The following COL9A1 variants were observed in gnomAD, a reference collection of about 807,000 sequenced individuals.
The protein encoded by COL9A1 is collagen alpha-1(IX) chain.
In COL9A1, 104 loss-of-function variants were observed where a neutral mutation model predicts 142.6. The observed-to-expected ratio is 0.73, with a 90% CI of 0.62 to 0.86. The LOEUF (loss-of-function observed/expected upper bound fraction) is 0.86. COL9A1 is among the 40% of genes least tolerant of loss of function. The pLI is 0.00. For missense variants in COL9A1, 1,210 were observed against 1,176.6 expected (o/e 1.03, Z -0.42); for synonymous variants, 466 against 396.0 (o/e 1.18, Z -2.10).
intron 5 of COL9A1, among the ~76,000 whole-genome samples, chr6:70,288,119 A>T (rs73475871): frequency 0.019 from 2,940 of 152,166 alleles, 78 homozygotes; most frequent in African/African-American, 0.067. Flanking sequence ...CTAACTCCAA[A>T]ACCCAAACTA....
intron 33 of COL9A1, among the ~76,000 whole-genome samples, chr6:70,238,074 C>T (rs919571120): frequency 6.6e-6 from 1 of 152,130 alleles, no homozygotes. Flanking sequence ...TTGTTTACCT[C>T]GCTAAGAATC....
chr6:70,221,511 G>C (rs887153606), intron 37 of COL9A1, among the ~76,000 whole-genome samples: 4 of 152,168 alleles, frequency 2.6e-5, no homozygotes, highest in Admixed American at 6.5e-5. Context: ...GAATGTGTGC[G>C]TGTGTATTTT....
intron 5 of COL9A1, among the ~76,000 whole-genome samples, chr6:70,285,661 T>C (rs1773423570): frequency 1.3e-5 from 2 of 152,168 alleles, no homozygotes; most frequent in African/African-American, 4.8e-5. Context: ...GATATTCCCC[T>C]CTCCACACTG....
chr6:70,263,102 AGTGCTGGCGTG>A (rs1771796193), intron 19 of COL9A1, 131 bp downstream of exon 19: 1 of 582,874 alleles, frequency 1.7e-6, no homozygotes, highest in African/African-American at 1.9e-5. Context: ...GTTATCCCCC[AGTGCTGGCGTG>A]GTGGAAAATA....
At chr6:70,253,496 A>G in intron 25 of COL9A1, 67 bp from the exon 26 acceptor site, 1 of 1,079,542 alleles carries the variant, frequency 9.3e-7, no homozygotes, top group South Asian at 1.3e-5. Context: ...TGCCAAGCCC[A>G]CTGCACACTG....
intron 36 of COL9A1, among the ~76,000 whole-genome samples, chr6:70,230,379 G>C: frequency 6.6e-6 from 1 of 151,986 alleles, no homozygotes; most frequent in East Asian, 1.9e-4. Context: ...AGAAGATACA[G>C]CTTTAAAGGA....
intron 37 of COL9A1, among the ~76,000 whole-genome samples, chr6:70,224,041 A>G (rs1769068088): frequency 6.6e-6 from 1 of 152,176 alleles, no homozygotes; most frequent in African/African-American, 2.4e-5. Context: ...AGAAAGGAAA[A>G]GGAAAACAGA....
chr6:70,226,788 A>G (rs888369228), intron 36 of COL9A1, among the ~76,000 whole-genome samples: 2 of 152,128 alleles, frequency 1.3e-5, no homozygotes, highest in African/African-American at 4.8e-5. Context: ...CCCAAGCTGA[A>G]TTTTCATCAT....
intron 8 of COL9A1, 111 bp downstream of exon 8, chr6:70,281,279 G>A: frequency 1.9e-6 from 2 of 1,049,744 alleles, no homozygotes; most frequent in South Asian, 3.0e-5. Context: ...GTGGCAGGAA[G>A]GGGAGACCCT....
Position 70,252,296 on chromosome 6 carries a change from C to T in COL9A1, c.1784G>A (p.Gly595Glu). The T allele has an allele frequency of 6.2e-7, 1 of 1,614,128 alleles. No individual in the cohort carries two copies. The highest frequency in any genetic ancestry group is 8.5e-7 in the Non-Finnish European group (1 of 1,179,998). ...AGEKGSTGAP[G>E]KPGQMGNSGK... is the part of the protein sequence containing the mutation. ...TGAATTTCCCATCTGACCAGGCTTCCCTGGAGCACCTGTGCTACCCTAAGG... is the reference window on the plus strand; with the variant it reads ...TGAATTTCCCATCTGACCAGGCTTCTCTGGAGCACCTGTGCTACCCTAAGG... The change falls in exon 27 of 38, where the codon GGG becomes GAG. Residue 595 changes from glycine (G) to glutamate (E), a missense_variant. Coordinates refer to ENST00000357250, the MANE Select transcript of COL9A1 (RefSeq NM_001851.6).
intron 36 of COL9A1, among the ~76,000 whole-genome samples, chr6:70,226,270 A>G (rs1352835291): frequency 6.6e-6 from 1 of 152,210 alleles, no homozygotes; most frequent in South Asian, 2.1e-4. Flanking sequence ...AAAACATTCA[A>G]TAAAATAAGA....
intron 36 of COL9A1, 42 bp from the exon 37 acceptor site, chr6:70,226,051 A>G (rs1382914344): frequency 2.0e-6 from 3 of 1,514,136 alleles, no homozygotes. Flanking sequence ...ACATATCTAT[A>G]AAAATAAACT....
At chr6:70,271,619 C>G (rs1396631568) in intron 14 of COL9A1, 36 bp downstream of exon 14, 1 of 1,599,736 alleles carries the variant, frequency 6.3e-7, no homozygotes, top group African/African-American at 1.3e-5. Context: ...TCTATTAAAT[C>G]AGCAAACGTC....
At chr6:70,241,932 TAAAG>T (rs1249555784) in intron 30 of COL9A1, 28 bp downstream of exon 30, 3 of 1,552,068 alleles carry the variant, frequency 1.9e-6, no homozygotes, top group Non-Finnish European at 8.8e-7. Flanking sequence ...CCCTTCCAAA[TAAAG>T]AACCTTCTGG....
intron 21 of COL9A1, 109 bp from the exon 22 acceptor site, chr6:70,255,499 A>G (rs1349726338): frequency 5.3e-6 from 5 of 950,788 alleles, no homozygotes; most frequent in South Asian, 1.3e-5. Flanking sequence ...TTCCACCACA[A>G]TGGCTTTGCT....
chr6:70,303,003 C>T lies in COL9A1; in HGVS notation c.-79G>A. 1 of 1,431,824 alleles carries T rather than the reference C, an allele frequency of 7.0e-7. No individual in the cohort carries two copies. Among genetic ancestry groups the T allele is most frequent in the Non-Finnish European group, 9.9e-7 (1 of 1,014,258 alleles). 88.7% of individuals were successfully genotyped at this position (1,431,824 alleles called of 1,614,324 possible). A position where few individuals can be genotyped will look rare whatever the true frequency, so the allele number is the denominator to read the frequency against. On this transcript the variant is annotated 5_prime_UTR_variant, in exon 1 of 38. Coordinates refer to ENST00000357250, the MANE Select transcript of COL9A1 (RefSeq NM_001851.6). ...AAGGGAGTCACTGTCCCCTCACGAC[C>T]CCTTCACTGTTACCCTAGGACTATG... is the stretch of plus-strand genomic sequence containing the variant.
chr6:70,298,101 C>T (rs1406158154), intron 4 of COL9A1, among the ~76,000 whole-genome samples: 1 of 152,184 alleles, frequency 6.6e-6, no homozygotes, highest in Non-Finnish European at 1.5e-5. Flanking sequence ...TCCTTGTCAA[C>T]CAGCTTTTGA....
intron 33 of COL9A1, 74 bp downstream of exon 33, chr6:70,239,180 G>T: frequency 2.1e-6 from 2 of 971,822 alleles, no homozygotes; most frequent in Non-Finnish European, 3.2e-6. Context: ...ATTTCATAAA[G>T]CAGAATATTA....
At position 70,254,922 on chromosome 6, in the gene COL9A1, A is replaced by G. The variant is rs200069128; in HGVS notation, c.1665+41T>C. The G allele has an allele frequency of 8.2e-6, 13 of 1,578,058 alleles. No individual in the cohort carries two copies. In the East Asian group the frequency reaches 2.7e-4, roughly 33 times the overall value. Reference sequence around the variant, plus strand: ...TGCCACACTCAGTTGGCCAGGGCAGAGACAGCCCCACTCACTCTTGGAGTA... The same window carrying G: ...TGCCACACTCAGTTGGCCAGGGCAGGGACAGCCCCACTCACTCTTGGAGTA... On this transcript the variant is annotated intron_variant, in intron 24 of 37. Coordinates refer to ENST00000357250, the MANE Select transcript of COL9A1 (RefSeq NM_001851.6).
Sources: allele counts gnomAD v4.1 joint callset (sites outside exome capture counted in the v4.1 genomes callset), GRCh38; gene constraint gnomAD v4.1.1; transcripts MANE v1.5; gene names NCBI Gene and HGNC (gene_info 2026-07-23, HGNC 2026-07-21).